Variants in CRADD observed in about 807,000 individuals in gnomAD.
CRADD encodes CARD and death domain containing adaptor protein, also known as death domain-containing protein CRADD.
CRADD carries 9 observed loss-of-function variants against 15.5 expected under a neutral mutation model. The observed-to-expected ratio is 0.58, with a 90% CI of 0.35 to 1.01. The LOEUF (loss-of-function observed/expected upper bound fraction) is 1.01. Among genes scored for constraint, CRADD ranks in the 50% least tolerant of loss-of-function variants. The probability of loss-of-function intolerance (pLI) is 0.02; values close to 1 mark genes in which losing one functional copy is unlikely to be tolerated. For synonymous variants in CRADD, 118 were observed against 107.6 expected (o/e 1.10, Z -0.60); for missense variants, 227 against 250.3 (o/e 0.91, Z 0.63).
intron 2 of CRADD, among the ~76,000 whole-genome samples, chr12:93,771,877 TA>T (rs1957089057): frequency 6.6e-6 from 1 of 152,094 alleles, no homozygotes; most frequent in Non-Finnish European, 1.5e-5. Context: ...TGGGTGCACT[TA>T]TACTTATTTA....
intron 2 of CRADD, among the ~76,000 whole-genome samples, chr12:93,734,016 C>T (rs866403045): frequency 2.6e-5 from 4 of 152,162 alleles, no homozygotes; most frequent in Non-Finnish European, 4.4e-5. Flanking sequence ...GGATTACAGG[C>T]GTGAGCCACC....
chr12:93,736,365 T>C (rs79931385), intron 2 of CRADD, among the ~76,000 whole-genome samples: 3 of 152,210 alleles, frequency 2.0e-5, no homozygotes, highest in Non-Finnish European at 4.4e-5. Flanking sequence ...AGTGACCACA[T>C]TGATTTCTAA....
At chr12:93,859,514 T>C (rs1417465255) in intron 2 of CRADD, 1 of 371,538 alleles carries the variant, frequency 2.7e-6, no homozygotes, top group East Asian at 7.3e-5. Context: ...ATTAAGGATA[T>C]GATTTTATTC....
At chr12:93,700,673 GC>G (rs1313982714) in intron 2 of CRADD, among the ~76,000 whole-genome samples, 17 of 152,226 alleles carry the variant, frequency 1.1e-4, no homozygotes, top group African/African-American at 3.9e-4. Flanking sequence ...CTCGTGATCT[GC>G]CCGCCTTGGT....
chr12:93,700,555 C>T (rs1389033326), intron 2 of CRADD, among the ~76,000 whole-genome samples: 3 of 152,054 alleles, frequency 2.0e-5, no homozygotes, highest in Non-Finnish European at 2.9e-5. Context: ...CTCAGCCTCC[C>T]GAGTAGCTGG....
chr12:93,783,753 T>C (rs1299991652), intron 2 of CRADD, among the ~76,000 whole-genome samples: 10 of 152,202 alleles, frequency 6.6e-5, no homozygotes, highest in Admixed American at 6.5e-4. Context: ...ATTTTTCATG[T>C]GTTTGTAAAA....
chr12:93,778,542 A>G (rs570327885), intron 2 of CRADD, among the ~76,000 whole-genome samples: 99 of 152,298 alleles, frequency 6.5e-4, no homozygotes, highest in African/African-American at 2.1e-3. Context: ...AAACTTTGGT[A>G]TGCTTAGCTG....
intron 2 of CRADD, among the ~76,000 whole-genome samples, chr12:93,700,613 G>C (rs1282296998): frequency 6.6e-6 from 1 of 152,054 alleles, no homozygotes; most frequent in Non-Finnish European, 1.5e-5. Flanking sequence ...TGTATTTTTA[G>C]TAGAGACGGG....
intron 2 of CRADD, among the ~76,000 whole-genome samples, chr12:93,785,827 T>C (rs1957272366): frequency 6.6e-6 from 1 of 152,206 alleles, no homozygotes. Flanking sequence ...GGCCTGTAGC[T>C]TGTGACCATG....
intron 2 of CRADD, among the ~76,000 whole-genome samples, chr12:93,728,707 C>T (rs1261885828): frequency 6.6e-6 from 1 of 152,006 alleles, no homozygotes; most frequent in Non-Finnish European, 1.5e-5. Context: ...TTGACAAAGG[C>T]ACTACAAGAA....
intron 2 of CRADD, among the ~76,000 whole-genome samples, chr12:93,762,138 G>A (rs1230272771): frequency 2.6e-5 from 4 of 152,174 alleles, no homozygotes; most frequent in African/African-American, 9.7e-5. Context: ...AAAGCCTTGT[G>A]TTTAAAGTGA....
chr12:93,849,824 A>C lies in CRADD; in HGVS notation c.299-146A>C. Reference sequence around the variant, plus strand: ...GAAGCCCTGAATCATGGCGTTGTACAGAGCAGCCCCCAGGAAGAAGACAAG... The same window carrying C: ...GAAGCCCTGAATCATGGCGTTGTACCGAGCAGCCCCCAGGAAGAAGACAAG... On this transcript the variant is annotated intron_variant, in intron 2 of 2. Transcript: ENST00000332896. 6.1e-6 allele frequency: 4 copies of C among 653,878 alleles called. No homozygotes were observed. The South Asian group carries it at 7.1e-5, about 12-fold the overall frequency. The allele number at this position is 653,878 out of a possible 1,614,324, so 40.5% of individuals were successfully genotyped here.
intron 2 of CRADD, among the ~76,000 whole-genome samples, chr12:93,873,929 G>C (rs1033317178): frequency 6.6e-6 from 1 of 151,696 alleles, no homozygotes; most frequent in African/African-American, 2.4e-5. Context: ...TGTGTCTTTG[G>C]TTTTGGTATC....
At chr12:93,723,309 G>A (rs971189270) in intron 2 of CRADD, among the ~76,000 whole-genome samples, 1 of 152,240 alleles carries the variant, frequency 6.6e-6, no homozygotes, top group East Asian at 1.9e-4. Flanking sequence ...CTTCCCAATT[G>A]CTCCTATAGA....
chr12:93,759,481 T>C (rs1481621151), intron 2 of CRADD, among the ~76,000 whole-genome samples: 1 of 152,176 alleles, frequency 6.6e-6, no homozygotes, highest in African/African-American at 2.4e-5. Flanking sequence ...TTTATTTTTC[T>C]CACCGGTTCT....
intron 2 of CRADD, among the ~76,000 whole-genome samples, chr12:93,816,978 G>A (rs933065193): frequency 6.6e-6 from 1 of 152,204 alleles, no homozygotes; most frequent in African/African-American, 2.4e-5. Flanking sequence ...TTGGAGAAGT[G>A]GTTGCTTGCC....
In CRADD at chr12:93,679,023, G is replaced by A; in HGVS notation, c.249G>A (p.Arg83=). The A allele has an allele frequency of 3.7e-6, 6 of 1,614,166 alleles. No homozygotes were observed. Among genetic ancestry groups the A allele is most frequent in the Non-Finnish European group, 4.2e-6 (5 of 1,179,982 alleles). Residue 83 remains arginine, a synonymous_variant, in exon 2 of 3, where the codon AGG becomes AGA. Transcript: ENST00000332896. ...CCCTACAGGAGTTTCCCTGGGTCAG[G>A]GAGAAGCTGAAGAAGGCAAGGGAAG... ...LDSLQEFPWV[R]EKLKKAREEA...
intron 2 of CRADD, among the ~76,000 whole-genome samples, chr12:93,679,742 A>G (rs947110977): frequency 6.6e-6 from 1 of 152,228 alleles, no homozygotes; most frequent in African/African-American, 2.4e-5. Context: ...TGGAAAGTGC[A>G]GATGGGAAAG....
At chr12:93,797,730 A>AT (rs1381178245) in intron 2 of CRADD, among the ~76,000 whole-genome samples, 2 of 152,150 alleles carry the variant, frequency 1.3e-5, no homozygotes, top group African/African-American at 4.8e-5. Context: ...TTCTATTACA[A>AT]TTTTTTTATT....
Sources: allele counts gnomAD v4.1 joint callset (sites outside exome capture counted in the v4.1 genomes callset), GRCh38; gene constraint gnomAD v4.1.1; transcripts MANE v1.5; gene names NCBI Gene and HGNC (gene_info 2026-07-23, HGNC 2026-07-21).